GABRG1: variants seen among roughly 807,000 people sequenced by gnomAD.
GABRG1 encodes the protein gamma-aminobutyric acid receptor subunit gamma-1.
A neutral mutation model predicts 49.8 loss-of-function variants in GABRG1; 49 were observed. The observed-to-expected ratio is 0.98, with a 90% CI of 0.78 to 1.25. GABRG1 has a LOEUF of 1.25. GABRG1 is among the 50% of genes most tolerant of loss of function. GABRG1 has a pLI of 0.00. For synonymous variants in GABRG1, 232 were observed against 185.1 expected, an observed-to-expected ratio of 1.25 and a Z score of -2.06; for missense variants, 552 against 552.3, an observed-to-expected ratio of 1.00 and a Z score of 0.01.
chr4:46,048,968 A>G (rs550265145), intron 8 of GABRG1, among the ~76,000 whole-genome samples: 1 of 152,136 alleles, frequency 6.6e-6, no homozygotes, highest in Admixed American at 6.6e-5. Context: ...AATTTTGCTT[A>G]ATAACAGAAT....
chr4:46,106,219 C>G (rs1476638551), intron 1 of GABRG1, among the ~76,000 whole-genome samples: 1 of 151,386 alleles, frequency 6.6e-6, no homozygotes, highest in African/African-American at 2.4e-5. Context: ...ATAAATGCAG[C>G]AATAGCTAAT....
chr4:46,107,968 A>G (rs866407973), intron 1 of GABRG1, among the ~76,000 whole-genome samples: 1 of 151,364 alleles, frequency 6.6e-6, no homozygotes, highest in Non-Finnish European at 1.5e-5. Flanking sequence ...ACAAAAATCT[A>G]TGCTAGAGGA....
In GABRG1 at chr4:46,092,118, A is replaced by G. The variant is rs1720010947; in HGVS notation, c.253+5083T>C. ...AAAATAATTTTCATATAAAACTGAA[A>G]TACTCCATTTCGAGAGACTTGCACC... On this transcript the variant is annotated intron_variant, in intron 2 of 8. Transcript: ENST00000295452. Among the ~76,000 whole-genome samples, 3 of 152,050 alleles carry G rather than the reference A, an allele frequency of 2.0e-5. No individual in the cohort carries two copies. In the South Asian group the frequency reaches 6.2e-4, roughly 32 times the overall value.
At chr4:46,077,614 C>A (rs1054349976) in intron 3 of GABRG1, among the ~76,000 whole-genome samples, 1 of 151,902 alleles carries the variant, frequency 6.6e-6, no homozygotes, top group Non-Finnish European at 1.5e-5. Context: ...TATAACTTCA[C>A]ACACAGAATT....
intron 1 of GABRG1, among the ~76,000 whole-genome samples, chr4:46,107,153 T>C (rs909820194): frequency 6.6e-6 from 1 of 151,298 alleles, no homozygotes; most frequent in Non-Finnish European, 1.5e-5. Flanking sequence ...GTAGGTTTTA[T>C]TCATTCATTC....
At chr4:46,053,492 A>G (rs1306136729) in intron 7 of GABRG1, among the ~76,000 whole-genome samples, 1 of 151,966 alleles carries the variant, frequency 6.6e-6, no homozygotes, top group Non-Finnish European at 1.5e-5. Flanking sequence ...TTATTTTGAA[A>G]CTAAATGTAC....
chr4:46,050,192 T>A (rs1481401250), intron 8 of GABRG1, among the ~76,000 whole-genome samples: 5 of 151,944 alleles, frequency 3.3e-5, no homozygotes, highest in Admixed American at 2.0e-4. Context: ...ATCCTATAGA[T>A]AAGCAAAAAT....
At chr4:46,086,155 T>G (rs1212828878) in intron 2 of GABRG1, among the ~76,000 whole-genome samples, 1 of 151,598 alleles carries the variant, frequency 6.6e-6, no homozygotes, top group Non-Finnish European at 1.5e-5. Context: ...TTTAAGTACT[T>G]TGCTTTAAGT....
chr4:46,067,538 A>T (rs1008155221), intron 3 of GABRG1, among the ~76,000 whole-genome samples: 1 of 152,180 alleles, frequency 6.6e-6, no homozygotes, highest in Admixed American at 6.5e-5. Context: ...GTGCACAAAA[A>T]TGCTTGCATC....
At chr4:46,076,362 C>CATATATATATAT (rs1203391424) in intron 3 of GABRG1, among the ~76,000 whole-genome samples, 9 of 78,700 alleles carry the variant, frequency 1.1e-4, no homozygotes, top group Non-Finnish European at 1.6e-4. Context: ...AGGTCATGTT[C>CATATATATATAT]ATATATATAT....
At chr4:46,058,407 T>C in intron 6 of GABRG1, 38 bp from the exon 7 acceptor site, 3 of 1,597,066 alleles carry the variant, frequency 1.9e-6, no homozygotes, top group Non-Finnish European at 8.5e-7. Context: ...CTATATAATA[T>C]AAATCACAAT....
intron 1 of GABRG1, among the ~76,000 whole-genome samples, chr4:46,106,177 C>A (rs1214626688): frequency 6.6e-6 from 1 of 151,436 alleles, no homozygotes; most frequent in African/African-American, 2.4e-5. Context: ...GTTAGCCAGA[C>A]TTTCATTCCT....
At chr4:46,086,578 GTC>G (rs1164710708) in intron 2 of GABRG1, among the ~76,000 whole-genome samples, 1 of 151,194 alleles carries the variant, frequency 6.6e-6, no homozygotes, top group Non-Finnish European at 1.5e-5. Context: ...TTTTCTTATT[GTC>G]ACAGAATAGG....
At chr4:46,108,370 C>T (rs1000691316) in intron 1 of GABRG1, among the ~76,000 whole-genome samples, 9 of 151,110 alleles carry the variant, frequency 6.0e-5, no homozygotes, top group African/African-American at 1.9e-4. Flanking sequence ...GCCACTTGAA[C>T]TAGAAATTGA....
Position 46,097,189 on chromosome 4 carries a change from ACTCAAGCTTACCTC to A in GABRG1, c.251_253+11del. The A allele has an allele frequency of 6.3e-7, 1 of 1,592,422 alleles. No individual in the cohort carries two copies. Among genetic ancestry groups the A allele is most frequent in the Non-Finnish European group, 8.5e-7 (1 of 1,170,478 alleles). On this transcript the variant is annotated splice_donor_variant and splice_donor_5th_base_variant and coding_sequence_variant and intron_variant, in exon 2 of 9. Coordinates refer to ENST00000295452, the MANE Select transcript of GABRG1 (RefSeq NM_173536.4). LOFTEE classifies it high-confidence loss of function. ...TGGTCATCAAAATCCCAGAATGGTA[ACTCAAGCTTACCTC>A]CTATATCTGGACGAAGTTTATTGTC...
At chr4:46,097,713 C>A (rs189040449) in intron 1 of GABRG1, among the ~76,000 whole-genome samples, 99 of 150,542 alleles carry the variant, frequency 6.6e-4, no homozygotes, top group African/African-American at 1.9e-3. Context: ...ACCATCACAA[C>A]CAAAAATAAA....
At chr4:46,074,882 G>A (rs1357940810) in intron 3 of GABRG1, among the ~76,000 whole-genome samples, 1 of 151,948 alleles carries the variant, frequency 6.6e-6, no homozygotes, top group East Asian at 1.9e-4. Flanking sequence ...GTAGTACAAA[G>A]AACACTGATT....
At chr4:46,046,813 A>C (rs750886142) in intron 8 of GABRG1, among the ~76,000 whole-genome samples, 4 of 152,092 alleles carry the variant, frequency 2.6e-5, no homozygotes, top group Non-Finnish European at 5.9e-5. Flanking sequence ...TTGCCATCCA[A>C]GTATATACTG....
intron 1 of GABRG1, among the ~76,000 whole-genome samples, chr4:46,102,224 T>C (rs543496400): frequency 2.0e-5 from 3 of 151,772 alleles, no homozygotes; most frequent in East Asian, 3.9e-4. Flanking sequence ...TCTCCTGCTG[T>C]GAGAACATAG....
Sources: allele counts gnomAD v4.1 joint callset (sites outside exome capture counted in the v4.1 genomes callset), GRCh38; gene constraint gnomAD v4.1.1; transcripts MANE v1.5; gene names NCBI Gene and HGNC (gene_info 2026-07-23, HGNC 2026-07-21).